Variants in LAMC2 observed in about 807,000 individuals in gnomAD.
The protein encoded by LAMC2 is laminin subunit gamma 2.
A neutral mutation model predicts 140.2 loss-of-function variants in LAMC2; 97 were observed. The ratio of observed to expected loss-of-function variants is 0.69; its 90% CI spans 0.59 to 0.82. The LOEUF (loss-of-function observed/expected upper bound fraction) is 0.82, where lower values mean the gene tolerates loss of function less well. Among genes scored for constraint, LAMC2 ranks in the 40% least tolerant of loss-of-function variants. LAMC2 has a pLI of 0.00. For missense variants in LAMC2, 1,402 were observed against 1,476.1 expected (o/e 0.95, Z 0.82); for synonymous variants, 513 against 540.2 (o/e 0.95, Z 0.70).
chr1:183,257,787 T>A, the LAMC2 span, among the ~76,000 whole-genome samples: 7 of 135,146 alleles, frequency 5.2e-5, no homozygotes, highest in African/African-American at 2.4e-4. Context: ...GTCAATTTTG[T>A]TTTTTTTTTT....
chr1:183,257,372 C>T, the LAMC2 span, among the ~76,000 whole-genome samples: 23 of 152,152 alleles, frequency 1.5e-4, no homozygotes, highest in Non-Finnish European at 2.2e-4. Flanking sequence ...ACCCGGGACG[C>T]GGAGGTTGCA....
chr1:183,241,058 G>A (rs1488855965), intron 22 of LAMC2: 10 of 154,636 alleles, frequency 6.5e-5, no homozygotes, highest in Non-Finnish European at 1.4e-4. Flanking sequence ...GACCAGCCTG[G>A]CCAACATGGT....
At chr1:183,227,406 G>C in intron 9 of LAMC2, 109 bp from the exon 10 acceptor site, 1 of 1,092,802 alleles carries the variant, frequency 9.2e-7, no homozygotes, top group Non-Finnish European at 1.4e-6. Context: ...CTTTGGGGAA[G>C]GCTTCAGAAA....
At chr1:183,221,072 A>G in intron 5 of LAMC2, 111 bp downstream of exon 5, 1 of 1,018,724 alleles carries the variant, frequency 9.8e-7, no homozygotes, top group Non-Finnish European at 1.5e-6. Flanking sequence ...AAATTCTCTT[A>G]TAGTATTGAA....
the LAMC2 span, among the ~76,000 whole-genome samples, chr1:183,256,731 C>A: frequency 6.6e-6 from 1 of 152,150 alleles, no homozygotes; most frequent in Non-Finnish European, 1.5e-5. Context: ...TACATCAATG[C>A]TCATCAGAAA....
intron 2 of LAMC2, among the ~76,000 whole-genome samples, chr1:183,211,138 A>C (rs1387492951): frequency 6.6e-6 from 1 of 152,242 alleles, no homozygotes; most frequent in African/African-American, 2.4e-5. Context: ...TCGATTTCCC[A>C]AAAATGCAGA....
At chr1:183,226,675 C>T in intron 8 of LAMC2, 23 bp from the exon 9 acceptor site, 3 of 1,600,234 alleles carry the variant, frequency 1.9e-6, no homozygotes, top group Non-Finnish European at 2.6e-6. Context: ...CTTGCAACTT[C>T]TAACCTGTTC....
chr1:183,234,940 A>G (rs1023379564), intron 15 of LAMC2, among the ~76,000 whole-genome samples: 5 of 152,106 alleles, frequency 3.3e-5, no homozygotes, highest in African/African-American at 9.7e-5. Flanking sequence ...TAGAAATCCT[A>G]CGGTGTTTAA....
chr1:183,188,454 G>A (rs1311940125), intron 1 of LAMC2, among the ~76,000 whole-genome samples: 2 of 152,212 alleles, frequency 1.3e-5, no homozygotes, highest in Non-Finnish European at 2.9e-5. Flanking sequence ...AAATTGGCAA[G>A]ACTTCAGGGT....
At chr1:183,188,463 G>A (rs1216551248) in intron 1 of LAMC2, among the ~76,000 whole-genome samples, 1 of 152,178 alleles carries the variant, frequency 6.6e-6, no homozygotes, top group Non-Finnish European at 1.5e-5. Flanking sequence ...AGACTTCAGG[G>A]TTGGGCTCAG....
At position 183,208,083 on chromosome 1, in the gene LAMC2, A is replaced by T. The variant is rs647347; in HGVS notation, c.268+14A>T. On this transcript the variant is annotated intron_variant, in intron 2 of 22. Coordinates refer to ENST00000264144, the MANE Select transcript of LAMC2 (RefSeq NM_005562.3). ...GTAACTCCAAAGGTAGCTGAAAAGG[A>T]CGGAAAGAGGGAGAGGGAGATGGAG... 1 of 1,611,114 alleles carries T rather than the reference A, an allele frequency of 6.2e-7. No individual in the cohort carries two copies. Among genetic ancestry groups the T allele is most frequent in the Non-Finnish European group, 8.5e-7 (1 of 1,177,716 alleles).
At chr1:183,194,547 T>C (rs1323748755) in intron 1 of LAMC2, among the ~76,000 whole-genome samples, 1 of 152,226 alleles carries the variant, frequency 6.6e-6, no homozygotes, top group African/African-American at 2.4e-5. Context: ...AACATAAATT[T>C]AAATAATTGA....
intron 5 of LAMC2, 128 bp from the exon 6 acceptor site, chr1:183,221,961 G>A: frequency 8.8e-7 from 1 of 1,141,100 alleles, no homozygotes; most frequent in Admixed American, 1.7e-5. Context: ...ATTTGCAAAT[G>A]TGGAAATATT....
chr1:183,220,438 C>T (rs1030917599), intron 4 of LAMC2, among the ~76,000 whole-genome samples: 1 of 151,954 alleles, frequency 6.6e-6, no homozygotes, highest in Non-Finnish European at 1.5e-5. Flanking sequence ...CCCCACCTCC[C>T]AGTCTTTGTC....
At chr1:183,248,891 A>AGAGT (rs374144957), downstream of LAMC2, 22 of 142,746 alleles carry the variant, frequency 1.5e-4, no homozygotes, top group African/African-American at 3.4e-4. Flanking sequence ...CCCCTAAAAG[A>AGAGT]GTGTGTGTGT....
At chr1:183,218,899 T>G (rs1659372444) in intron 4 of LAMC2, among the ~76,000 whole-genome samples, 1 of 152,192 alleles carries the variant, frequency 6.6e-6, no homozygotes, top group Non-Finnish European at 1.5e-5. Context: ...AGAGGGCCTA[T>G]CACAGCATAT....
At chr1:183,207,647 C>T (rs1452148916) in intron 1 of LAMC2, among the ~76,000 whole-genome samples, 1 of 152,144 alleles carries the variant, frequency 6.6e-6, no homozygotes, top group Non-Finnish European at 1.5e-5. Context: ...CATGTTCTCC[C>T]AGACAGCAGC....
rs138728557 is a variant in LAMC2, at chr1:183,240,309, G to A, written c.3246G>A (p.Gln1082=). The A allele has an allele frequency of 3.3e-5, 54 of 1,614,218 alleles. No individual in the cohort carries two copies. The African/African-American group carries it at 4.8e-4, about 14-fold the overall frequency. The stretch of plus-strand genomic sequence containing the variant: ...GTCCTCAGGTGATTACAGAAGCCCA[G>A]AAGGTTGATACCAGAGCCAAGAACG... ...DAVQMVITEA[Q]KVDTRAKNAG... is the part of the protein sequence containing the mutation. Residue 1082 remains glutamine (Q), a synonymous_variant, in exon 22 of 23, where the codon CAG becomes CAA. Coordinates refer to ENST00000264144, the MANE Select transcript of LAMC2 (RefSeq NM_005562.3).
chr1:183,226,852 G>A lies in LAMC2; in HGVS notation c.1221G>A (p.Leu407=), dbSNP rs776174917. The A allele has an allele frequency of 8.7e-6, 14 of 1,614,194 alleles. No individual in the cohort carries two copies. Among genetic ancestry groups the A allele is most frequent in the Non-Finnish European group, 1.2e-5 (14 of 1,180,032 alleles). Residue 407 remains leucine (L), a synonymous_variant, in exon 9 of 23, where the codon CTG becomes CTA. Transcript: ENST00000264144. ...ASGYKRDSAR[L]GPFGTCIPCN... Reference sequence around the variant, plus strand: ...GCTACAAGAGAGATTCAGCGAGACTGGGGCCTTTTGGCACCTGTATTCCTT... The same window carrying A: ...GCTACAAGAGAGATTCAGCGAGACTAGGGCCTTTTGGCACCTGTATTCCTT...
Sources: allele counts gnomAD v4.1 joint callset (sites outside exome capture counted in the v4.1 genomes callset), GRCh38; gene constraint gnomAD v4.1.1; transcripts MANE v1.5; gene names NCBI Gene and HGNC (gene_info 2026-07-23, HGNC 2026-07-21).